DAAM2: variants seen among roughly 807,000 people sequenced by gnomAD.
DAAM2 encodes dishevelled associated activator of morphogenesis 2, also known as disheveled-associated activator of morphogenesis 2.
DAAM2 carries 39 observed loss-of-function variants against 120.7 expected under a neutral mutation model. The observed-to-expected ratio is 0.32, with a 90% CI of 0.25 to 0.42. The LOEUF (loss-of-function observed/expected upper bound fraction) is 0.42. DAAM2 is among the 10% of genes least tolerant of loss of function. DAAM2 has a pLI of 1.00. For missense variants in DAAM2, 1,283 were observed against 1,401.7 expected, an observed-to-expected ratio of 0.92 and a Z score of 1.35; for synonymous variants, 488 against 524.9, an observed-to-expected ratio of 0.93 and a Z score of 0.96.
intron 1 of DAAM2, among the ~76,000 whole-genome samples, chr6:39,847,372 G>C (rs1473448179): frequency 2.0e-5 from 3 of 152,120 alleles, no homozygotes; most frequent in Non-Finnish European, 4.4e-5. Flanking sequence ...TCCTTTCCCT[G>C]CGCCTTTCAG....
Position 39,887,533 on chromosome 6 carries a change from C to A in DAAM2, c.2001C>A (p.Val667=). 6.2e-7 allele frequency: 1 copy of A among 1,613,808 alleles called. No homozygotes were observed. Among genetic ancestry groups the A allele is most frequent in the South Asian group, 1.1e-5 (1 of 91,000 alleles). Residue 667 remains valine, a synonymous_variant, in exon 16 of 25, where the codon GTC becomes GTA. Transcript: ENST00000274867. ...ACATCTACCTGGCTTCCCGCAAGGT[C>A]AAAGAGCTGTCGGTCATTGATGGCC... ...TEDIYLASRK[V]KELSVIDGRR...
chr6:39,840,025 G>C (rs1763262382), intron 1 of DAAM2, among the ~76,000 whole-genome samples: 1 of 152,148 alleles, frequency 6.6e-6, no homozygotes, highest in Non-Finnish European at 1.5e-5. Context: ...CCAGGAGTTT[G>C]ATACCAGCCT....
intron 1 of DAAM2, chr6:39,819,069 G>A (rs1229393137): frequency 6.6e-6 from 1 of 152,194 alleles, no homozygotes; most frequent in Non-Finnish European, 1.5e-5. Flanking sequence ...GTTCTTATTT[G>A]AAAATGTGGC....
chr6:39,846,713 T>C (rs1338461819), intron 1 of DAAM2, among the ~76,000 whole-genome samples: 7 of 151,800 alleles, frequency 4.6e-5, no homozygotes, highest in Non-Finnish European at 1.0e-4. Flanking sequence ...TTTTTTTTTT[T>C]TGAGACGGGG....
At chr6:39,870,697 G>A (rs1243709890) in intron 8 of DAAM2, among the ~76,000 whole-genome samples, 2 of 152,228 alleles carry the variant, frequency 1.3e-5, no homozygotes, top group Non-Finnish European at 2.9e-5. Flanking sequence ...CCCCTGGGGG[G>A]CATGTGGAAA....
chr6:39,901,247 T>C lies in DAAM2; in HGVS notation c.2812-55T>C, dbSNP rs1436775411. The stretch of plus-strand genomic sequence containing the variant: ...CTAGAACCCAGCTAACCTCAGGGGC[T>C]GAGCCCAGCATGCTCCAGGGCACTC... On this transcript the variant is annotated intron_variant, in intron 23 of 24. Transcript: ENST00000274867. This position sits in a 1 kb window ranked among gnomAD's most constrained non-coding sequence, Gnocchi z 4.5. 3.2e-6 allele frequency: 5 copies of C among 1,539,376 alleles called. No homozygotes were observed. In the East Asian group the frequency reaches 1.1e-4, roughly 35 times the overall value.
chr6:39,894,070 C>T (rs1384104991), intron 19 of DAAM2, among the ~76,000 whole-genome samples: 1 of 151,984 alleles, frequency 6.6e-6, no homozygotes, highest in South Asian at 2.1e-4. Flanking sequence ...CCACATTTAC[C>T]GATTCTTATT....
At chr6:39,800,352 A>T (rs911508840) in intron 1 of DAAM2, among the ~76,000 whole-genome samples, 5 of 152,080 alleles carry the variant, frequency 3.3e-5, no homozygotes, top group African/African-American at 9.7e-5. Flanking sequence ...GGCCCCTATG[A>T]CTGCCCTTCC....
chr6:39,856,453 C>G lies in DAAM2; in HGVS notation c.151C>G (p.Arg51Gly), dbSNP rs780412197. 1 of 1,462,934 alleles carries G rather than the reference C, an allele frequency of 6.8e-7. No individual in the cohort carries two copies. The highest frequency in any genetic ancestry group is 9.1e-7 in the Non-Finnish European group (1 of 1,103,726). 90.6% of individuals were successfully genotyped at this position (1,462,934 alleles called of 1,614,324 possible). ...PIPNAEELNIRFAELVDELDL... is the reference protein window; with the variant it reads ...PIPNAEELNIGFAELVDELDL... ...CCCGAACGCAGAGGAGCTCAACATC[C>G]GCTTTGCAGAGCTGGTGGTCAGTGA... is the stretch of plus-strand genomic sequence containing the variant. The change falls in exon 2 of 25, where the codon CGC (arginine) becomes GGC (glycine). Residue 51 changes from arginine to glycine, a missense_variant. By Grantham distance (125) the Arg-to-Gly change is moderately radical. Transcript: ENST00000274867.
chr6:39,838,363 T>G (rs1383284916), intron 1 of DAAM2, among the ~76,000 whole-genome samples: 1 of 152,194 alleles, frequency 6.6e-6, no homozygotes, highest in Non-Finnish European at 1.5e-5. Flanking sequence ...TGGCACCACC[T>G]TTTCAAACAA....
At chr6:39,846,859 A>G (rs530615528) in intron 1 of DAAM2, among the ~76,000 whole-genome samples, 1 of 152,304 alleles carries the variant, frequency 6.6e-6, no homozygotes, top group East Asian at 1.9e-4. Flanking sequence ...ATTTGTTTGA[A>G]AGAACGAATG....
Position 39,904,424 on chromosome 6 carries a change from T to TAATA in DAAM2, c.*2388_*2391dup, listed in dbSNP as rs1401633282. ...CAGTCGGGGTGGCTGAGCTGGTCCTTAATAGGTTGTTTCTTGGTCTTGCTT... is the reference window on the plus strand; with the variant it reads ...CAGTCGGGGTGGCTGAGCTGGTCCTTAATAAATAGGTTGTTTCTTGGTCTTGCTT... On this transcript the variant is annotated 3_prime_UTR_variant, in exon 25 of 25. Transcript: ENST00000274867. 5 of 455,118 alleles carry TAATA rather than the reference T, an allele frequency of 1.1e-5. No homozygotes were observed. Among genetic ancestry groups the TAATA allele is most frequent in the South Asian group, 7.8e-5 (5 of 64,502 alleles). 28.2% of individuals were successfully genotyped at this position (455,118 alleles called of 1,614,324 possible).
rs1233014096 is a variant in DAAM2 at position 39,867,830 on chromosome 6, G to A, written c.749G>A (p.Arg250Gln). The A allele has an allele frequency of 1.9e-6, 3 of 1,590,458 alleles. No individual in the cohort carries two copies. Among genetic ancestry groups the A allele is most frequent in the Non-Finnish European group, 1.7e-6 (2 of 1,169,298 alleles). The part of the protein sequence containing the change: ...MLHYQVYAAE[R>Q]TRFQTLLNEL... ...CACTACCAGGTGTATGCAGCAGAGC[G>A]AACCCGCTTCCAGGTGAGGGGCCAG... Residue 250 changes from arginine (R) to glutamine (Q), a missense_variant, in exon 6 of 25, where the codon CGA (arginine) becomes CAA (glutamine). Transcript: ENST00000274867.
Position 39,867,519 on chromosome 6 carries a change from C to A in DAAM2, c.438C>A (p.Thr146=), listed in dbSNP as rs748278714. 2 of 1,613,606 alleles carry A rather than the reference C, an allele frequency of 1.2e-6. No homozygotes were observed. Among genetic ancestry groups the A allele is most frequent in the Non-Finnish European group, 1.7e-6 (2 of 1,179,568 alleles). Residue 146 remains threonine, a synonymous_variant, in exon 6 of 25, where the codon ACC becomes ACA. Coordinates refer to ENST00000274867, the MANE Select transcript of DAAM2 (RefSeq NM_001201427.2). ...TGGCTCTGATTTGTAGGTTTGTGAC[C>A]CGCTTCATTGAGCTGGAGGGCTTGA... ...ALRTQPMRFV[T]RFIELEGLTC... is the part of the protein sequence containing the mutation.
intron 1 of DAAM2, among the ~76,000 whole-genome samples, chr6:39,824,209 G>A (rs1026384061): frequency 1.3e-5 from 2 of 152,196 alleles, no homozygotes. Context: ...CCCGCCCCCA[G>A]TTCTGTGCCT....
intron 1 of DAAM2, among the ~76,000 whole-genome samples, chr6:39,799,184 T>A (rs560482073): frequency 6.6e-6 from 1 of 152,230 alleles, no homozygotes; most frequent in East Asian, 1.9e-4. Context: ...ACAACACTTC[T>A]AGGGGGTAGC....
chr6:39,864,438 G>A lies in DAAM2; in HGVS notation c.264G>A (p.Gln88=). ...WQIYCSKKKE[Q]EDPNKLATSW... ...TGTCCTTTTTCTTGTTTCAGGAGCA[G>A]GAGGACCCCAACAAGCTGGCAACCA... is the stretch of plus-strand genomic sequence containing the variant. The change falls in exon 4 of 25, where the codon CAG becomes CAA. Residue 88 remains glutamine, a synonymous_variant. Transcript: ENST00000274867. The A allele has an allele frequency of 6.2e-7, 1 of 1,612,864 alleles. No homozygotes were observed. The highest frequency in any genetic ancestry group is 8.5e-7 in the Non-Finnish European group (1 of 1,179,654).
chr6:39,837,566 G>A (rs1763150476), intron 1 of DAAM2, among the ~76,000 whole-genome samples: 1 of 145,230 alleles, frequency 6.9e-6, no homozygotes, highest in African/African-American at 2.6e-5. Context: ...GGGAGGCTGA[G>A]ACAGGAGAAT....
intron 1 of DAAM2, among the ~76,000 whole-genome samples, chr6:39,794,851 C>T (rs1043724189): frequency 6.6e-5 from 10 of 152,164 alleles, no homozygotes; most frequent in Non-Finnish European, 8.8e-5. Context: ...TAAATGTTCT[C>T]ATTCATTTCC....
Sources: gnomAD v4.1 joint callset for allele counts (sites outside exome capture counted in the v4.1 genomes callset) on GRCh38, gnomAD v4.1.1 for gene constraint, Gnocchi (gnomAD v3.1) non-coding constraint, MANE v1.5 for transcripts, NCBI Gene and HGNC (gene_info 2026-07-23, HGNC 2026-07-21) for gene names.